The following CLYBL variants were observed in gnomAD, a reference collection of about 807,000 sequenced individuals.
CLYBL encodes citramalyl-CoA lyase.
In CLYBL, 31 loss-of-function variants were observed where a neutral mutation model predicts 38.9. That is an observed-to-expected ratio of 0.80 (90% confidence interval 0.60 to 1.08). The LOEUF (loss-of-function observed/expected upper bound fraction) is 1.08, where lower values mean the gene tolerates loss of function less well. Ranked by LOEUF, CLYBL falls within the 50% of genes least tolerant of loss-of-function variation. The pLI, the probability that CLYBL is intolerant of heterozygous loss-of-function variation, is 0.00. For synonymous variants in CLYBL, 171 were observed against 158.6 expected, an observed-to-expected ratio of 1.08 and a Z score of -0.59; for missense variants, 434 against 411.6, an observed-to-expected ratio of 1.05 and a Z score of -0.47.
downstream of CLYBL, chr13:99,896,776 G>A (rs2052585688): frequency 6.6e-6 from 1 of 152,238 alleles, no homozygotes; most frequent in East Asian, 1.9e-4. Flanking sequence ...TTTCCCTTGG[G>A]AATCCCTGGA....
chr13:99,725,740 G>T lies in CLYBL; in HGVS notation c.63-47084G>T, dbSNP rs184874194. Among the ~76,000 whole-genome samples, 7 of 152,212 alleles carry T rather than the reference G, an allele frequency of 4.6e-5. No individual in the cohort carries two copies. The East Asian group carries it at 1.4e-3, about 29-fold the overall frequency. On this transcript the variant is annotated intron_variant, in intron 1 of 8. Coordinates refer to ENST00000339105, the MANE Select transcript of CLYBL (RefSeq NM_206808.5). Reference sequence around the variant, plus strand: ...TTCGGTATCCGTACATTTCCACGCCGCTGAAAGGGTGGATTTGGTTCTGAT... The same window carrying T: ...TTCGGTATCCGTACATTTCCACGCCTCTGAAAGGGTGGATTTGGTTCTGAT...
Position 99,757,950 on chromosome 13 carries a change from A to C in CLYBL, c.63-14874A>C, listed in dbSNP as rs1422575974. 5.9e-5 allele frequency among the ~76,000 whole-genome samples: 9 copies of C among 152,240 alleles called. No homozygotes were observed. The East Asian group carries it at 1.7e-3, about 29-fold the overall frequency. ...TGTATCACCTGGAAATCTTGTCTAT[A>C]CGCAGATTCTCTGATGAAGAAGGAC... On this transcript the variant is annotated intron_variant, in intron 1 of 8. Transcript: ENST00000339105.
chr13:99,692,182 C>T (rs2047912847), intron 1 of CLYBL, among the ~76,000 whole-genome samples: 1 of 152,096 alleles, frequency 6.6e-6, no homozygotes, highest in Non-Finnish European at 1.5e-5. Context: ...CAGCCCTGCC[C>T]CTTAGTCACA....
intron 1 of CLYBL, among the ~76,000 whole-genome samples, chr13:99,696,876 T>G (rs183947647): frequency 6.6e-6 from 1 of 151,672 alleles, no homozygotes; most frequent in Admixed American, 6.6e-5. Flanking sequence ...GATAAGGAAA[T>G]ATCTGTAGAC....
intron 9 of CLYBL, among the ~76,000 whole-genome samples, chr13:99,906,599 T>C (rs371071035): frequency 4.6e-5 from 7 of 152,040 alleles, no homozygotes; most frequent in African/African-American, 1.7e-4. Flanking sequence ...AATTTTTGTA[T>C]TTTTAGTAGA....
At chr13:99,675,905 A>G (rs1467426082) in intron 1 of CLYBL, among the ~76,000 whole-genome samples, 1 of 152,174 alleles carries the variant, frequency 6.6e-6, no homozygotes, top group Non-Finnish European at 1.5e-5. Flanking sequence ...TGGAATTAGA[A>G]TGCAGTAGCA....
chr13:99,867,336 G>T (rs1037512026), intron 6 of CLYBL, among the ~76,000 whole-genome samples: 2 of 152,168 alleles, frequency 1.3e-5, no homozygotes, highest in Non-Finnish European at 1.5e-5. Flanking sequence ...CGAAAGAAAG[G>T]TTTCATAAAG....
intron 1 of CLYBL, among the ~76,000 whole-genome samples, chr13:99,682,894 G>A (rs1026343721): frequency 1.3e-5 from 2 of 151,210 alleles, no homozygotes; most frequent in African/African-American, 2.4e-5. Context: ...CTGTCACCAC[G>A]CCCGGCTAAT....
downstream of CLYBL, chr13:99,894,233 G>C (rs975372289): frequency 2.0e-5 from 3 of 152,312 alleles, no homozygotes; most frequent in African/African-American, 4.8e-5. Context: ...GGTACCCTGG[G>C]AAAGGTGGGA....
chr13:99,811,516 C>A (rs1343557801), intron 2 of CLYBL, among the ~76,000 whole-genome samples: 1 of 152,186 alleles, frequency 6.6e-6, no homozygotes, highest in African/African-American at 2.4e-5. Flanking sequence ...CTCTGGAAAC[C>A]TGCCCATCTG....
intron 1 of CLYBL, among the ~76,000 whole-genome samples, chr13:99,739,895 C>T (rs1186002769): frequency 6.6e-6 from 1 of 151,850 alleles, no homozygotes; most frequent in Non-Finnish European, 1.5e-5. Context: ...TGCTTGAACC[C>T]GGGAGGCGGA....
intron 1 of CLYBL, among the ~76,000 whole-genome samples, chr13:99,636,000 A>G (rs1158112070): frequency 6.6e-6 from 1 of 152,192 alleles, no homozygotes; most frequent in Non-Finnish European, 1.5e-5. Context: ...TAGACTATAC[A>G]TTCTTTGAGA....
intron 1 of CLYBL, among the ~76,000 whole-genome samples, chr13:99,716,484 A>G (rs1479517158): frequency 6.7e-6 from 1 of 150,374 alleles, no homozygotes; most frequent in Non-Finnish European, 1.5e-5. Flanking sequence ...CCCGGGTCCA[A>G]ATGATTCTCC....
intron 2 of CLYBL, among the ~76,000 whole-genome samples, chr13:99,858,559 T>C (rs898912756): frequency 6.6e-6 from 1 of 152,166 alleles, no homozygotes; most frequent in Non-Finnish European, 1.5e-5. Flanking sequence ...TTAACTATTT[T>C]CCCCTTCCCA....
chr13:99,630,160 C>T (rs80349295), intron 1 of CLYBL, among the ~76,000 whole-genome samples: 2,508 of 152,266 alleles, frequency 0.016, 50 homozygotes, highest in African/African-American at 0.048. Context: ...GGATACAAAG[C>T]CCCATCTTCT....
intron 4 of CLYBL, among the ~76,000 whole-genome samples, chr13:99,863,510 C>T (rs2051662166): frequency 6.6e-6 from 1 of 152,192 alleles, no homozygotes; most frequent in Non-Finnish European, 1.5e-5. Context: ...TCTGTAGCAA[C>T]ATTATCAGTA....
chr13:99,866,484 C>T (rs2051748400), intron 6 of CLYBL, 77 bp downstream of exon 6: 1 of 1,286,326 alleles, frequency 7.8e-7, no homozygotes, highest in Non-Finnish European at 1.1e-6. Context: ...CCGAAAACAC[C>T]CCTAATCTCA....
At chr13:99,645,066 C>G (rs925986852) in intron 1 of CLYBL, among the ~76,000 whole-genome samples, 1 of 152,142 alleles carries the variant, frequency 6.6e-6, no homozygotes, top group African/African-American at 2.4e-5. Flanking sequence ...TATGGTAGTT[C>G]TAGTTTTAGT....
chr13:99,748,585 A>T (rs1037103298), intron 1 of CLYBL, among the ~76,000 whole-genome samples: 1 of 149,506 alleles, frequency 6.7e-6, no homozygotes, highest in Admixed American at 6.6e-5. Context: ...GATTACAGGC[A>T]CCTGCCACTA....
Sources: allele counts gnomAD v4.1 joint callset (sites outside exome capture counted in the v4.1 genomes callset), GRCh38; gene constraint gnomAD v4.1.1; transcripts MANE v1.5; gene names NCBI Gene and HGNC (gene_info 2026-07-23, HGNC 2026-07-21).